Variants in TMEM164 observed in about 807,000 individuals in gnomAD.
The protein encoded by TMEM164 is RP13-360B22.2.
In TMEM164, 4 loss-of-function variants were observed where a neutral mutation model predicts 18.8. That is an observed-to-expected ratio of 0.21 (90% CI 0.10 to 0.49). The LOEUF is 0.49. TMEM164 is among the 20% of genes least tolerant of loss of function. The pLI, the probability that TMEM164 is intolerant of heterozygous loss-of-function variation, is 0.98. For missense variants in TMEM164, 108 were observed against 239.9 expected, an observed-to-expected ratio of 0.45 and a Z score of 3.63; for synonymous variants, 86 against 101.7, an observed-to-expected ratio of 0.85 and a Z score of 0.93.
chrX:110,089,411 G>A (rs1315756854), intron 3 of TMEM164, among the ~76,000 whole-genome samples: 2 of 111,072 alleles, frequency 1.8e-5, no homozygotes, highest in Admixed American at 1.9e-4. Context: ...TGGTCAGGCT[G>A]GTCTTGAACT....
At chrX:110,172,588 C>T (rs886599831) in intron 6 of TMEM164, among the ~76,000 whole-genome samples, 1 of 111,694 alleles carries the variant, frequency 9.0e-6, no homozygotes, top group Non-Finnish European at 1.9e-5. Flanking sequence ...ACTTGCTGCT[C>T]TCCACTGGGA....
At chrX:110,037,984 A>ATTTTTTTTTTTTT (rs1036705725) in intron 2 of TMEM164, among the ~76,000 whole-genome samples, 8 of 72,694 alleles carry the variant, frequency 1.1e-4, no homozygotes, top group African/African-American at 4.9e-4. Flanking sequence ...CTTTGGACTC[A>ATTTTTTTTTTTTT]TTTTTTTTTT....
chrX:110,138,655 C>T (rs902700466), intron 4 of TMEM164, among the ~76,000 whole-genome samples: 1 of 112,184 alleles, frequency 8.9e-6, no homozygotes, highest in Non-Finnish European at 1.9e-5. Flanking sequence ...AAAGTCTATT[C>T]AGGATGAGGG....
At chrX:110,067,285 A>G (rs2065516609) in intron 2 of TMEM164, 62 bp from the exon 3 acceptor site, 2 of 1,064,937 alleles carry the variant, frequency 1.9e-6, no homozygotes, top group Non-Finnish European at 2.6e-6. Flanking sequence ...TTAAAGTAAC[A>G]TTGTCTCACT....
intron 2 of TMEM164, among the ~76,000 whole-genome samples, chrX:110,022,557 T>G (rs1400441127): frequency 1.8e-5 from 2 of 111,507 alleles, no homozygotes; most frequent in Admixed American, 9.5e-5. Flanking sequence ...TGCTTCTTTT[T>G]ATTAAAAAAC....
intron 4 of TMEM164, among the ~76,000 whole-genome samples, chrX:110,115,165 C>T (rs1357501719): frequency 8.9e-6 from 1 of 112,081 alleles, no homozygotes; most frequent in Non-Finnish European, 1.9e-5. Flanking sequence ...ACCTTGTTGT[C>T]ACCAATGCAG....
intron 2 of TMEM164, among the ~76,000 whole-genome samples, chrX:110,022,633 T>C (rs1933959072): frequency 8.9e-6 from 1 of 112,012 alleles, no homozygotes; most frequent in Admixed American, 9.5e-5. Flanking sequence ...GAGAACTGCC[T>C]GGCATTCAAA....
chrX:110,117,130 A>G (rs1460792111), intron 4 of TMEM164, among the ~76,000 whole-genome samples: 1 of 111,414 alleles, frequency 9.0e-6, no homozygotes, highest in Non-Finnish European at 1.9e-5. Flanking sequence ...TGAAGTGTGT[A>G]TTAGCATGTC....
At chrX:110,096,540 C>T (rs1316091274) in intron 3 of TMEM164, among the ~76,000 whole-genome samples, 5 of 112,497 alleles carry the variant, frequency 4.4e-5, no homozygotes, top group South Asian at 3.6e-4. Context: ...ATTGGAAAAG[C>T]GCAGTATTAG....
At chrX:110,183,189 TTGCCCATAGGAGAGCAC>T (rs2067329753), downstream of TMEM164, among the ~76,000 whole-genome samples, 1 of 112,150 alleles carries the variant, frequency 8.9e-6, no homozygotes, top group Non-Finnish European at 1.9e-5. Context: ...AGAGTCAGAT[TTGCCCATAGGAGAGCAC>T]TGCCGTCAGA....
intron 5 of TMEM164, among the ~76,000 whole-genome samples, chrX:110,164,064 G>A (rs2067128190): frequency 8.9e-6 from 1 of 112,263 alleles, no homozygotes; most frequent in Non-Finnish European, 1.9e-5. Context: ...AGAGTGAATG[G>A]ACTGGGGAAA....
At chrX:110,178,216 G>C (rs2067309247), downstream of TMEM164, among the ~76,000 whole-genome samples, 1 of 112,437 alleles carries the variant, frequency 8.9e-6, no homozygotes, top group Non-Finnish European at 1.9e-5. Context: ...CTTACCCTTT[G>C]GAAGCAGACC....
In TMEM164 at chrX:110,057,958, TTTTG is replaced by T. The variant is rs951298959; in HGVS notation, c.391-9377_391-9374del. On this transcript the variant is annotated intron_variant, in intron 2 of 6. Transcript: ENST00000372068. The stretch of plus-strand genomic sequence containing the variant: ...TTTAGGTTGATGTAGTCCTAATTGT[TTTTG>T]TTTGTTTGTTTTTTACTTTTCTTGC... Among the ~76,000 whole-genome samples, 3 of 112,238 alleles carry T rather than the reference TTTTG, an allele frequency of 2.7e-5. No homozygotes were observed. The Admixed American group carries it at 2.8e-4, about 11-fold the overall frequency.
intron 2 of TMEM164, among the ~76,000 whole-genome samples, chrX:110,018,726 T>C (rs1399543437): frequency 8.9e-6 from 1 of 112,314 alleles, no homozygotes; most frequent in Admixed American, 9.4e-5. Context: ...CATGACTACA[T>C]GTGAAGTGTT....
At position 110,145,786 on chromosome X, in the gene TMEM164, G is replaced by A. The variant is rs146513806; in HGVS notation, c.586+910G>A. Among the ~76,000 whole-genome samples the A allele has an allele frequency of 5.5e-3, 616 of 111,870 alleles. 4 individuals carry two copies. The highest frequency in any genetic ancestry group is 7.3e-3 in the Non-Finnish European group (390 of 53,135). On this transcript the variant is annotated intron_variant, in intron 5 of 6. Transcript: ENST00000372068. ...TGGGCACTGCTGCTTCTTGGCTTAT[G>A]CGTGGATGCTCTAAATCAGGCATTC...
At chrX:110,125,968 C>T (rs1471409997) in intron 4 of TMEM164, among the ~76,000 whole-genome samples, 1 of 112,231 alleles carries the variant, frequency 8.9e-6, no homozygotes, top group Non-Finnish European at 1.9e-5. Flanking sequence ...GCAGCAGAAG[C>T]GCATACACTG....
intron 2 of TMEM164, 83 bp from the exon 3 acceptor site, chrX:110,067,264 T>A (rs2065516038): frequency 7.1e-6 from 7 of 983,749 alleles, no homozygotes; most frequent in Non-Finnish European, 1.0e-5. Flanking sequence ...TTTGGTTATT[T>A]TTTGTTATTG....
chrX:110,078,892 A>C (rs1218699333), intron 3 of TMEM164, among the ~76,000 whole-genome samples: 1 of 112,275 alleles, frequency 8.9e-6, no homozygotes, highest in Non-Finnish European at 1.9e-5. Context: ...AAAAGTTCAC[A>C]GAAAATGGAA....
intron 2 of TMEM164, among the ~76,000 whole-genome samples, chrX:110,017,961 C>T (rs1933572901): frequency 8.9e-6 from 1 of 111,960 alleles, no homozygotes; most frequent in Non-Finnish European, 1.9e-5. Flanking sequence ...AGGAGTCTGG[C>T]CCTGGTGTCA....
Sources: gnomAD v4.1 joint callset for allele counts (sites outside exome capture counted in the v4.1 genomes callset) on GRCh38, gnomAD v4.1.1 for gene constraint, MANE v1.5 for transcripts, NCBI Gene and HGNC (gene_info 2026-07-23, HGNC 2026-07-21) for gene names.